The following ARFGEF2 variants were observed in gnomAD, a reference collection of about 807,000 sequenced individuals.
The protein encoded by ARFGEF2 is ARF guanine nucleotide exchange factor 2, also known as brefeldin A-inhibited guanine nucleotide-exchange protein 2.
Under a neutral mutation model 219.9 loss-of-function variants are expected in ARFGEF2, and 74 were observed. The observed-to-expected ratio is 0.34, with a 90% CI of 0.28 to 0.41. ARFGEF2 has a LOEUF of 0.41. Among genes scored for constraint, ARFGEF2 ranks in the 10% least tolerant of loss-of-function variants. The pLI, the probability that ARFGEF2 is intolerant of heterozygous loss-of-function variation, is 1.00. For synonymous variants in ARFGEF2, 733 were observed against 799.2 expected (o/e 0.92, Z 1.40); for missense variants, 1,743 against 2,218.3 (o/e 0.79, Z 4.30).
chr20:48,952,673 C>T (rs1019079366), intron 4 of ARFGEF2, 32 bp from the exon 5 acceptor site: 9 of 1,613,088 alleles, frequency 5.6e-6, no homozygotes, highest in Non-Finnish European at 6.8e-6. Context: ...ATGTGCGTTC[C>T]TGATGGTGAA....
At chr20:48,995,419 G>A (rs1287956330) in intron 22 of ARFGEF2, among the ~76,000 whole-genome samples, 1 of 152,168 alleles carries the variant, frequency 6.6e-6, no homozygotes, top group Non-Finnish European at 1.5e-5. Flanking sequence ...ATGAAAGTCT[G>A]TGAAGCACAC....
chr20:49,027,557 G>A (rs751262090), intron 36 of ARFGEF2, among the ~76,000 whole-genome samples: 2 of 151,934 alleles, frequency 1.3e-5, no homozygotes, highest in Non-Finnish European at 2.9e-5. Flanking sequence ...TTAGTGAGGC[G>A]TGGTGGCGTG....
chr20:48,929,592 G>C (rs1158556011), intron 1 of ARFGEF2, among the ~76,000 whole-genome samples: 1 of 152,190 alleles, frequency 6.6e-6, no homozygotes, highest in Admixed American at 6.5e-5. Flanking sequence ...AAGAAACCTG[G>C]TTCTGCCAGG....
rs1413610451 is a variant in ARFGEF2, at chr20:48,921,940, G to A, written c.51G>A (p.Lys17=). The change falls in exon 1 of 39, where the codon AAG becomes AAA. Residue 17 remains lysine (K), a synonymous_variant. Coordinates refer to ENST00000371917, the MANE Select transcript of ARFGEF2 (RefSeq NM_006420.3). ...KSMFVSRALE[K]ILADKEVKRP... ...TGTTCGTGTCCCGGGCCCTGGAGAA[G>A]ATCCTAGCCGACAAGGAGGTGAAGC... is the stretch of plus-strand genomic sequence containing the variant. The A allele has an allele frequency of 3.8e-6, 6 of 1,565,104 alleles. No homozygotes were observed. The African/African-American group carries it at 8.1e-5, about 21-fold the overall frequency.
intron 1 of ARFGEF2, among the ~76,000 whole-genome samples, chr20:48,925,063 G>A (rs6012564): frequency 0.62 from 93,919 of 152,036 alleles, 29,163 homozygotes; most frequent in African/African-American, 0.68. Flanking sequence ...TGTAGATGCA[G>A]TAAATAAGAA....
intron 1 of ARFGEF2, among the ~76,000 whole-genome samples, chr20:48,928,696 G>A (rs889412975): frequency 1.6e-4 from 24 of 150,772 alleles, no homozygotes; most frequent in Admixed American, 1.4e-3. Flanking sequence ...GGGTTTCACC[G>A]TGTTAGCCAG....
chr20:48,941,746 A>C, intron 2 of ARFGEF2, 118 bp from the exon 3 acceptor site: 1 of 1,472,416 alleles, frequency 6.8e-7, no homozygotes, highest in South Asian at 1.1e-5. Flanking sequence ...TTTAATGCCT[A>C]GCCCCAGGAT....
chr20:48,943,205 CA>C (rs753212341), intron 3 of ARFGEF2, among the ~76,000 whole-genome samples: 1 of 152,154 alleles, frequency 6.6e-6, no homozygotes, highest in Non-Finnish European at 1.5e-5. Flanking sequence ...TGTTTGACCT[CA>C]GGAACATGAA....
intron 3 of ARFGEF2, among the ~76,000 whole-genome samples, chr20:48,942,473 GTTTTTTTTTTTTTTTTT>G (rs58144046): frequency 1.1e-4 from 8 of 73,498 alleles, no homozygotes; most frequent in Admixed American, 1.9e-4. Context: ...TTCTTACTTG[GTTTTTTTTTTTTTTTTT>G]TTTTTTTTTT....
At chr20:48,952,446 A>G (rs865890674) in intron 4 of ARFGEF2, among the ~76,000 whole-genome samples, 40 of 152,276 alleles carry the variant, frequency 2.6e-4, no homozygotes, top group African/African-American at 9.1e-4. Flanking sequence ...AGCCAGTAGA[A>G]AGCCTGCTTC....
intron 1 of ARFGEF2, among the ~76,000 whole-genome samples, chr20:48,937,941 G>A (rs1408851029): frequency 2.6e-5 from 4 of 152,340 alleles, no homozygotes; most frequent in East Asian, 1.9e-4. Flanking sequence ...GTTTTGAACC[G>A]TGGTTGTAGC....
rs6512565 is a variant in ARFGEF2 at position 49,012,516 on chromosome 20, T to G, written c.3918+432T>G. 9.3e-3 allele frequency among the ~76,000 whole-genome samples: 1,344 copies of G among 144,442 alleles called. 17 individuals are homozygous for G. The highest frequency in any genetic ancestry group is 0.022 in the African/African-American group (867 of 40,118). The allele number at this position is 144,442 out of a possible 152,430, so 94.8% of individuals were successfully genotyped here. A position where few individuals can be genotyped will look rare whatever the true frequency, so the allele number is the denominator to read the frequency against. ...GGGGTTTTTGTTTGTTTGTTTGTTT[T>G]TTTGATGTGTCTCATCTTTCTAAAG... On this transcript the variant is annotated intron_variant, in intron 28 of 38. Transcript: ENST00000371917.
At chr20:48,928,192 CT>C (rs747462352) in intron 1 of ARFGEF2, among the ~76,000 whole-genome samples, 4,432 of 104,818 alleles carry the variant, frequency 0.042, 79 homozygotes, top group African/African-American at 0.15. Flanking sequence ...GTGTTGCAAT[CT>C]TTTTTTTTTT....
At chr20:48,998,641 C>A in intron 25 of ARFGEF2, 136 bp downstream of exon 25, 2 of 842,900 alleles carry the variant, frequency 2.4e-6, no homozygotes, top group South Asian at 1.5e-5. Flanking sequence ...CAGTCAAGGA[C>A]AGCTTGATAG....
rs1377307326 is a variant in ARFGEF2, at chr20:49,035,505, C to T, written c.*2306C>T. 6.6e-6 allele frequency: 1 copy of T among 152,180 alleles called. No homozygotes were observed. The highest frequency in any genetic ancestry group is 1.5e-5 in the Non-Finnish European group (1 of 68,030). 9.4% of individuals were successfully genotyped at this position (152,180 alleles called of 1,614,324 possible). A position where few individuals can be genotyped will look rare whatever the true frequency, so the allele number is the denominator to read the frequency against. On this transcript the variant is annotated 3_prime_UTR_variant, in exon 39 of 39. Coordinates refer to ENST00000371917, the MANE Select transcript of ARFGEF2 (RefSeq NM_006420.3). ...ACAGAGATTTGAAATCCCTTACCTC[C>T]AATAATAAGCCATTCAGCCTAAATT...
rs912553687 is a variant in ARFGEF2, at chr20:49,034,523, C to T, written c.*1324C>T. 6 of 152,238 alleles carry T rather than the reference C, an allele frequency of 3.9e-5. No individual in the cohort carries two copies. Among genetic ancestry groups the T allele is most frequent in the African/African-American group, 9.6e-5 (4 of 41,464 alleles). The allele number at this position is 152,238 out of a possible 1,614,324, so 9.4% of individuals were successfully genotyped here. ...GCTCACCCATGAGAAGGAGCACACA[C>T]GCCTCATTCTCTGCCCTCACCCACT... On this transcript the variant is annotated 3_prime_UTR_variant, in exon 39 of 39. Transcript: ENST00000371917.
intron 1 of ARFGEF2, among the ~76,000 whole-genome samples, chr20:48,927,579 T>C (rs766107093): frequency 6.6e-6 from 1 of 151,864 alleles, no homozygotes; most frequent in Non-Finnish European, 1.5e-5. Context: ...TCCCAGCTAC[T>C]TGGGAGGCTG....
chr20:48,999,456 GA>G, intron 25 of ARFGEF2, among the ~76,000 whole-genome samples: 1 of 151,122 alleles, frequency 6.6e-6, no homozygotes, highest in East Asian at 2.0e-4. Context: ...GCAATCAAAA[GA>G]AATGTATGTG....
At chr20:49,010,204 C>A (rs369720307) in intron 26 of ARFGEF2, 28 bp from the exon 27 acceptor site, 4 of 1,608,368 alleles carry the variant, frequency 2.5e-6, no homozygotes, top group South Asian at 2.2e-5. Context: ...AAAGTACAGA[C>A]GATATGGCCG....
Sources: allele counts gnomAD v4.1 joint callset (sites outside exome capture counted in the v4.1 genomes callset), GRCh38; gene constraint gnomAD v4.1.1; transcripts MANE v1.5; gene names NCBI Gene and HGNC (gene_info 2026-07-23, HGNC 2026-07-21).